The following KLHL29 variants were observed in gnomAD, a reference collection of about 807,000 sequenced individuals.
KLHL29 encodes the protein kelch-like protein 29.
In KLHL29, 21 loss-of-function variants were observed where a neutral mutation model predicts 80.4. That is an observed-to-expected ratio of 0.26 (90% confidence interval 0.19 to 0.38). KLHL29 has a LOEUF of 0.38. Among genes scored for constraint, KLHL29 ranks in the 10% least tolerant of loss-of-function variants. The pLI is 1.00. For missense variants in KLHL29, 867 were observed against 1,223.9 expected (o/e 0.71, Z 4.35); for synonymous variants, 511 against 526.8 (o/e 0.97, Z 0.41).
intron 2 of KLHL29, among the ~76,000 whole-genome samples, chr2:23,489,767 C>T (rs1665042467): frequency 6.6e-6 from 1 of 151,818 alleles, no homozygotes. Context: ...ATCAGCACCT[C>T]ACAGTGAAAC....
chr2:23,695,943 C>T lies in KLHL29; in HGVS notation c.1742-8C>T. The stretch of plus-strand genomic sequence containing the variant: ...GTGTCCCAAGGGCGCCCATCCATGT[C>T]CCTGCAGGTGTGGCTGAGGTCATCG... On this transcript the variant is annotated splice_polypyrimidine_tract_variant and splice_region_variant and intron_variant, in intron 9 of 13. Transcript: ENST00000486442. The surrounding 1 kb of genome is among the most constrained non-coding windows in gnomAD (Gnocchi z 7.6). The T allele has an allele frequency of 1.3e-6, 2 of 1,550,692 alleles. No homozygotes were observed. Among genetic ancestry groups the T allele is most frequent in the Non-Finnish European group, 1.7e-6 (2 of 1,146,676 alleles).
chr2:23,505,180 C>T (rs977297301), intron 2 of KLHL29, among the ~76,000 whole-genome samples: 36 of 152,350 alleles, frequency 2.4e-4, no homozygotes, highest in African/African-American at 8.2e-4. Flanking sequence ...CTTTCTGCTG[C>T]TAGGGGCCTT....
At chr2:23,507,317 C>A in intron 2 of KLHL29, 1 of 195,582 alleles carries the variant, frequency 5.1e-6, no homozygotes, top group South Asian at 7.1e-5. Context: ...GGAGCAGGGC[C>A]CATTTCAGGG....
chr2:23,473,795 A>G (rs1664560553), intron 1 of KLHL29, among the ~76,000 whole-genome samples: 1 of 152,170 alleles, frequency 6.6e-6, no homozygotes, highest in Non-Finnish European at 1.5e-5. Flanking sequence ...CTACGCAATC[A>G]GGATGCTCAC....
chr2:23,618,471 C>T lies in KLHL29; in HGVS notation c.286-20668C>T, dbSNP rs986490322. Among the ~76,000 whole-genome samples the T allele has an allele frequency of 2.0e-5, 3 of 152,144 alleles. No individual in the cohort carries two copies. The East Asian group carries it at 5.8e-4, about 29-fold the overall frequency. Reference sequence around the variant, plus strand: ...TCGGCCTGAACAGAACAAAAGCTGACCCTGCTGTAAGTAAGAGGGGTTTCT... The same window carrying T: ...TCGGCCTGAACAGAACAAAAGCTGATCCTGCTGTAAGTAAGAGGGGTTTCT... On this transcript the variant is annotated intron_variant, in intron 3 of 13. Coordinates refer to ENST00000486442, the MANE Select transcript of KLHL29 (RefSeq NM_052920.2).
chr2:23,582,316 C>A (rs1415799828), intron 3 of KLHL29, among the ~76,000 whole-genome samples: 2 of 152,202 alleles, frequency 1.3e-5, no homozygotes, highest in Admixed American at 1.3e-4. Flanking sequence ...CTTAAAATCT[C>A]AGAAATAAAG....
intron 5 of KLHL29, among the ~76,000 whole-genome samples, chr2:23,652,316 G>A (rs908183690): frequency 9.9e-5 from 15 of 152,194 alleles, no homozygotes; most frequent in South Asian, 8.3e-4. Context: ...GGAACCTACC[G>A]TCACCACTGG....
At chr2:23,493,483 T>C (rs1429544297) in intron 2 of KLHL29, among the ~76,000 whole-genome samples, 1 of 152,246 alleles carries the variant, frequency 6.6e-6, no homozygotes, top group Non-Finnish European at 1.5e-5. Flanking sequence ...GTGTACATTG[T>C]ACGATCTTGT....
intron 1 of KLHL29, among the ~76,000 whole-genome samples, chr2:23,473,138 T>G (rs910215349): frequency 6.6e-6 from 1 of 151,934 alleles, no homozygotes; most frequent in Non-Finnish European, 1.5e-5. Context: ...GACCTGCAGG[T>G]GAGGGACACC....
At chr2:23,640,911 A>G (rs926359413) in intron 4 of KLHL29, among the ~76,000 whole-genome samples, 5 of 152,136 alleles carry the variant, frequency 3.3e-5, no homozygotes, top group African/African-American at 1.2e-4. Flanking sequence ...GTGACCCGCC[A>G]TCTTAGCTCC....
chr2:23,508,191 AC>A (rs1293723540), intron 2 of KLHL29, among the ~76,000 whole-genome samples: 1 of 152,116 alleles, frequency 6.6e-6, no homozygotes, highest in East Asian at 1.9e-4. Flanking sequence ...GTAACAAACC[AC>A]CCCAAACCTG....
chr2:23,686,264 A>G (rs558086047), intron 6 of KLHL29, among the ~76,000 whole-genome samples: 72 of 150,308 alleles, frequency 4.8e-4, no homozygotes, highest in African/African-American at 1.7e-3. Context: ...TGGGGAGGGG[A>G]CGCCCACCTG....
chr2:23,503,658 C>T lies in KLHL29; in HGVS notation c.-46+27991C>T, dbSNP rs1665516754. On this transcript the variant is annotated intron_variant, in intron 2 of 13. Transcript: ENST00000486442. This position sits in a 1 kb window ranked among gnomAD's most constrained non-coding sequence, Gnocchi z 4.0. ...CTTCCTTTGTTGGGTAGGAGCTGCC[C>T]CCGTCCATGTTCCAGCTCCTCCCAG... Among the ~76,000 whole-genome samples the T allele has an allele frequency of 6.6e-6, 1 of 151,844 alleles. No individual in the cohort carries two copies. The highest frequency in any genetic ancestry group is 1.5e-5 in the Non-Finnish European group (1 of 67,996).
intron 2 of KLHL29, among the ~76,000 whole-genome samples, chr2:23,525,165 G>A (rs1164310218): frequency 3.3e-5 from 5 of 152,262 alleles, no homozygotes; most frequent in South Asian, 4.1e-4. Context: ...TTCCTGTCTC[G>A]GCACGTAGGA....
intron 2 of KLHL29, among the ~76,000 whole-genome samples, chr2:23,527,771 C>G (rs1709294): frequency 0.12 from 17,619 of 152,238 alleles, 2,305 homozygotes; most frequent in African/African-American, 0.32. Context: ...ACACCCCAAG[C>G]CTCCATAGGA....
Position 23,456,787 on chromosome 2 carries a change from C to T in KLHL29, c.-153-18773C>T, listed in dbSNP as rs556855648. ...CAAAAAAAGGGGGTAGCTATGCCTGCACTTGGAGATGTTTCCAGGATGGCA... is the reference window on the plus strand; with the variant it reads ...CAAAAAAAGGGGGTAGCTATGCCTGTACTTGGAGATGTTTCCAGGATGGCA... On this transcript the variant is annotated intron_variant, in intron 1 of 13. Transcript: ENST00000486442. Among the ~76,000 whole-genome samples the T allele has an allele frequency of 5.3e-4, 81 of 152,372 alleles. No individual in the cohort carries two copies. The South Asian group carries it at 0.013, about 25-fold the overall frequency.
chr2:23,525,732 C>G lies in KLHL29; in HGVS notation c.-45-36420C>G, dbSNP rs866826354. Among the ~76,000 whole-genome samples the G allele has an allele frequency of 4.7e-4, 31 of 66,618 alleles. 1 individual carries two copies. The highest frequency in any genetic ancestry group is 1.6e-3 in the Admixed American group (12 of 7,658). The allele number at this position is 66,618 out of a possible 152,430, so 43.7% of individuals were successfully genotyped here. A position where few individuals can be genotyped will look rare whatever the true frequency, so the allele number is the denominator to read the frequency against. On this transcript the variant is annotated intron_variant, in intron 2 of 13. Transcript: ENST00000486442. The stretch of plus-strand genomic sequence containing the variant: ...CGAGTGAGCCCCAGCCCCTGCCCCC[C>G]CCCCCCACCCGAGGCGAGCCAGCAG...
At position 23,582,820 on chromosome 2, in the gene KLHL29, A is replaced by G. The variant is rs146714885; in HGVS notation, c.285+20339A>G. Among the ~76,000 whole-genome samples the G allele has an allele frequency of 6.1e-3, 935 of 152,318 alleles. 9 individuals carry two copies. Among genetic ancestry groups the G allele is most frequent in the African/African-American group, 0.021 (875 of 41,566 alleles). Reference sequence around the variant, plus strand: ...GGGCACTCCCCATGTAGTAGGTTAAATAGTACCCCACCCCCCAGCCAAATA... The same window carrying G: ...GGGCACTCCCCATGTAGTAGGTTAAGTAGTACCCCACCCCCCAGCCAAATA... On this transcript the variant is annotated intron_variant, in intron 3 of 13. Coordinates refer to ENST00000486442, the MANE Select transcript of KLHL29 (RefSeq NM_052920.2).
rs1572403011 is a variant in KLHL29 at position 23,562,856 on chromosome 2, G to A, written c.285+375G>A. Among the ~76,000 whole-genome samples the A allele has an allele frequency of 6.6e-6, 1 of 152,164 alleles. No individual in the cohort carries two copies. The highest frequency in any genetic ancestry group is 1.9e-4 in the East Asian group (1 of 5,190). On this transcript the variant is annotated intron_variant, in intron 3 of 13. Transcript: ENST00000486442. This position sits in a 1 kb window ranked among gnomAD's most constrained non-coding sequence, Gnocchi z 4.5. ...GCATCCCTGGGGGTGCCAGTAACTT[G>A]GGTGTGCAAGAAGATACTGACAAGC...
Sources: allele counts gnomAD v4.1 joint callset (sites outside exome capture counted in the v4.1 genomes callset), GRCh38; gene constraint gnomAD v4.1.1; non-coding constraint Gnocchi (gnomAD v3.1); transcripts MANE v1.5; gene names NCBI Gene and HGNC (gene_info 2026-07-23, HGNC 2026-07-21).